Variants in PDE3A observed in about 807,000 individuals in gnomAD.
PDE3A encodes cGMP-inhibited 3',5'-cyclic phosphodiesterase 3A.
PDE3A carries 43 observed loss-of-function variants against 98.3 expected under a neutral mutation model. That is an observed-to-expected ratio of 0.44 (90% confidence interval 0.34 to 0.56). The LOEUF is 0.56. PDE3A is among the 20% of genes least tolerant of loss of function. The pLI, the probability that PDE3A is intolerant of heterozygous loss-of-function variation, is 0.01. For missense variants in PDE3A, 1,427 were observed against 1,440.7 expected (o/e 0.99, Z 0.15); for synonymous variants, 663 against 567.9 (o/e 1.17, Z -2.38).
chr12:20,654,486 T>A (rs1298924530), intron 15 of PDE3A, among the ~76,000 whole-genome samples: 4 of 119,416 alleles, frequency 3.3e-5, no homozygotes, highest in Admixed American at 3.2e-4. Flanking sequence ...CTTCAGGGTA[T>A]CTGGTTTTTT....
At chr12:20,604,470 A>G (rs1943666607) in intron 2 of PDE3A, among the ~76,000 whole-genome samples, 1 of 152,132 alleles carries the variant, frequency 6.6e-6, no homozygotes, top group Non-Finnish European at 1.5e-5. Context: ...TATGACAAAA[A>G]TATGTTTTTC....
intron 2 of PDE3A, among the ~76,000 whole-genome samples, chr12:20,587,635 A>G (rs751931668): frequency 7.9e-5 from 12 of 152,216 alleles, no homozygotes; most frequent in Non-Finnish European, 1.6e-4. Flanking sequence ...TCTGATTTCA[A>G]CTTCGGAAAA....
rs145887541 is a variant in PDE3A, at chr12:20,369,686, G to A, written c.402G>A (p.Ala134=). The change falls in exon 1 of 16, where the codon GCG becomes GCA. Residue 134 remains alanine, a synonymous_variant. Coordinates refer to ENST00000359062, the MANE Select transcript of PDE3A (RefSeq NM_000921.5). ...TCAGCCCCTGGCTGCAGCCCTCGGC[G>A]CTGCTCTTCAGTCTCCTGTGTGCCT... ...ARLSPWLQPS[A]LLFSLLCAFF... 1.9e-6 allele frequency: 3 copies of A among 1,610,844 alleles called. No homozygotes were observed. Among genetic ancestry groups the A allele is most frequent in the South Asian group, 1.1e-5 (1 of 90,782 alleles).
In PDE3A at chr12:20,680,253, C is replaced by G; in HGVS notation, c.3408C>G (p.Thr1136=). ...AACCAAGAGGCGAGGAGATACCAAC[C>G]CAAAAGCCAGACCAGTGACAATGGA... is the stretch of plus-strand genomic sequence containing the variant. ...KGKPRGEEIP[T]QKPDQ is the part of the protein sequence containing the mutation. The change falls in exon 16 of 16, where the codon ACC becomes ACG. Residue 1136 remains threonine, a synonymous_variant. Coordinates refer to ENST00000359062, the MANE Select transcript of PDE3A (RefSeq NM_000921.5). 1 of 1,613,828 alleles carries G rather than the reference C, an allele frequency of 6.2e-7. No homozygotes were observed. Among genetic ancestry groups the G allele is most frequent in the African/African-American group, 1.3e-5 (1 of 75,000 alleles).
intron 1 of PDE3A, among the ~76,000 whole-genome samples, chr12:20,490,411 C>G (rs1370540924): frequency 6.6e-6 from 1 of 152,086 alleles, no homozygotes; most frequent in Non-Finnish European, 1.5e-5. Flanking sequence ...TTTTCTTGCT[C>G]AAGGCCATTT....
At chr12:20,625,755 A>C (rs573836642) in intron 5 of PDE3A, among the ~76,000 whole-genome samples, 21 of 152,156 alleles carry the variant, frequency 1.4e-4, no homozygotes, top group Non-Finnish European at 2.8e-4. Flanking sequence ...ACATTTTCTC[A>C]TGCCCTCAGG....
At chr12:20,512,007 A>G (rs182982801) in intron 1 of PDE3A, among the ~76,000 whole-genome samples, 26 of 152,224 alleles carry the variant, frequency 1.7e-4, no homozygotes, top group Non-Finnish European at 1.5e-4. Flanking sequence ...GACTAGCATT[A>G]AAAATGTAAA....
chr12:20,669,299 C>T (rs1201353039), intron 15 of PDE3A, among the ~76,000 whole-genome samples: 1 of 152,114 alleles, frequency 6.6e-6, no homozygotes, highest in Non-Finnish European at 1.5e-5. Context: ...AGGAGAACTT[C>T]CCCAATCTAG....
chr12:20,590,657 A>C (rs1943316364), intron 2 of PDE3A, among the ~76,000 whole-genome samples: 1 of 151,976 alleles, frequency 6.6e-6, no homozygotes, highest in Admixed American at 6.6e-5. Flanking sequence ...AAGGAAAAGG[A>C]AAGAAAGAAA....
intron 1 of PDE3A, among the ~76,000 whole-genome samples, chr12:20,460,493 C>A (rs1945227834): frequency 6.6e-6 from 1 of 152,010 alleles, no homozygotes; most frequent in African/African-American, 2.4e-5. Flanking sequence ...TCTGAAGCAT[C>A]TCATACATAG....
chr12:20,635,898 C>A (rs1202454017), intron 8 of PDE3A, among the ~76,000 whole-genome samples: 43 of 151,738 alleles, frequency 2.8e-4, no homozygotes. Flanking sequence ...CTTAATGGTT[C>A]TATTATCTGG....
chr12:20,437,285 T>C (rs1204047675), intron 1 of PDE3A, among the ~76,000 whole-genome samples: 3 of 152,212 alleles, frequency 2.0e-5, no homozygotes, highest in Non-Finnish European at 2.9e-5. Context: ...TGGGAACCTG[T>C]GTTGCATCAG....
intron 12 of PDE3A, among the ~76,000 whole-genome samples, chr12:20,648,382 A>G (rs891232555): frequency 1.3e-5 from 2 of 151,124 alleles, no homozygotes; most frequent in East Asian, 1.9e-4. Context: ...AAATTCCTGT[A>G]CCCTACAAAG....
chr12:20,538,589 G>A (rs564855059), intron 1 of PDE3A, among the ~76,000 whole-genome samples: 7 of 152,220 alleles, frequency 4.6e-5, no homozygotes, highest in South Asian at 4.1e-4. Context: ...AGAATACGAC[G>A]TATTATAGGA....
At chr12:20,447,559 G>A (rs372515988) in intron 1 of PDE3A, among the ~76,000 whole-genome samples, 1 of 152,162 alleles carries the variant, frequency 6.6e-6, no homozygotes, top group Non-Finnish European at 1.5e-5. Context: ...AGGACTTCTG[G>A]ATAGCTGAAC....
chr12:20,415,692 C>G (rs747153973), intron 1 of PDE3A, among the ~76,000 whole-genome samples: 3 of 152,194 alleles, frequency 2.0e-5, no homozygotes, highest in Non-Finnish European at 4.4e-5. Context: ...CCGCCTCGGC[C>G]TCCCAGAGTG....
intron 15 of PDE3A, among the ~76,000 whole-genome samples, chr12:20,654,575 C>T (rs1327994033): frequency 6.6e-6 from 1 of 151,516 alleles, no homozygotes; most frequent in Admixed American, 6.6e-5. Context: ...CGGCTCACTG[C>T]AAGCTCCGCC....
rs1441037355 is a variant in PDE3A, at chr12:20,683,064, G to A, written c.*2793G>A. 2.0e-5 allele frequency: 3 copies of A among 152,194 alleles called. No individual in the cohort carries two copies. The highest frequency in any genetic ancestry group is 4.4e-5 in the Non-Finnish European group (3 of 68,038). 9.4% of individuals were successfully genotyped at this position (152,194 alleles called of 1,614,324 possible). Reference sequence around the variant, plus strand: ...ATTAGAACATCTTCATTCCAGAACTGTGTTCAGCAATCCAGGCAGATTGAT... The same window carrying A: ...ATTAGAACATCTTCATTCCAGAACTATGTTCAGCAATCCAGGCAGATTGAT... On this transcript the variant is annotated 3_prime_UTR_variant, in exon 16 of 16. Coordinates refer to ENST00000359062, the MANE Select transcript of PDE3A (RefSeq NM_000921.5).
At chr12:20,576,927 G>GT (rs34053941) in intron 2 of PDE3A, among the ~76,000 whole-genome samples, 74,003 of 148,676 alleles carry the variant, frequency 0.5, 18,148 homozygotes, top group East Asian at 0.69. Context: ...GAAACATGAA[G>GT]TTTTTTTTTT....
Sources: gnomAD v4.1 joint callset for allele counts (sites outside exome capture counted in the v4.1 genomes callset) on GRCh38, gnomAD v4.1.1 for gene constraint, MANE v1.5 for transcripts, NCBI Gene and HGNC (gene_info 2026-07-23, HGNC 2026-07-21) for gene names.